ELANE: variants seen among roughly 807,000 people sequenced by gnomAD.
ELANE encodes the protein elastase, neutrophil expressed, also known as neutrophil elastase.
A neutral mutation model predicts 20.6 loss-of-function variants in ELANE; 12 were observed. The observed-to-expected ratio is 0.58, with a 90% CI of 0.37 to 0.94. The LOEUF is 0.94. Ranked by LOEUF, ELANE falls within the 40% of genes least tolerant of loss-of-function variation. The pLI is 0.01. For missense variants in ELANE, 388 were observed against 395.2 expected (o/e 0.98, Z 0.15); for synonymous variants, 203 against 177.4 (o/e 1.14, Z -1.15).
At chr19:854,403 A>T (rs2035642021) in intron 3 of ELANE, among the ~76,000 whole-genome samples, 1 of 151,158 alleles carries the variant, frequency 6.6e-6, no homozygotes, top group African/African-American at 2.4e-5. Context: ...AGCTGAGATC[A>T]CACCACTGCA....
At chr19:852,778 A>G in intron 1 of ELANE, 98 bp from the exon 2 acceptor site, 1 of 1,480,864 alleles carries the variant, frequency 6.8e-7, no homozygotes, top group South Asian at 1.3e-5. Flanking sequence ...CCGGTGGGGG[A>G]TCCCGTGGGT....
rs2035614190 is a variant in ELANE at position 852,786 on chromosome 19, G to A, written c.68-90G>A. The A allele has an allele frequency of 8.6e-6, 13 of 1,503,410 alleles. No homozygotes were observed. In the South Asian group the frequency reaches 1.5e-4, roughly 17 times the overall value. The allele number at this position is 1,503,410 out of a possible 1,614,324, so 93.1% of individuals were successfully genotyped here. On this transcript the variant is annotated intron_variant, in intron 1 of 4. Transcript: ENST00000263621. The stretch of plus-strand genomic sequence containing the variant: ...TGGGTTCCCGGTGGGGGATCCCGTG[G>A]GTTCCTGGTGGGGGATCCAGAGGCC...
chr19:853,188 A>C, intron 2 of ELANE, 74 bp from the exon 3 acceptor site: 1 of 1,508,002 alleles, frequency 6.6e-7, no homozygotes, highest in Non-Finnish European at 8.9e-7. Flanking sequence ...CCGTCGCCGG[A>C]TGGGGACGAC....
Position 855,874 on chromosome 19 carries a change from G to A in ELANE, c.597+80G>A. Reference sequence around the variant, plus strand: ...CAACAGGCACCGTGGCTAGACCCTAGGAGGGACTTCCCAACCCTGACAGGC... The same window carrying A: ...CAACAGGCACCGTGGCTAGACCCTAAGAGGGACTTCCCAACCCTGACAGGC... On this transcript the variant is annotated intron_variant, in intron 4 of 4. Transcript: ENST00000263621. This position sits in a 1 kb window ranked among gnomAD's most constrained non-coding sequence, Gnocchi z 6.2. 6.2e-7 allele frequency: 1 copy of A among 1,604,942 alleles called. No homozygotes were observed. Among genetic ancestry groups the A allele is most frequent in the Non-Finnish European group, 8.5e-7 (1 of 1,177,604 alleles).
chr19:852,315 GC>G lies in ELANE; in HGVS notation c.-10del. ...GGCACGGAGGGGCAGAGACCCCGGA[GC>G]CCCAGCCCCACCATGACCCTCGGCC... is the stretch of plus-strand genomic sequence containing the variant. On this transcript the variant is annotated 5_prime_UTR_variant, in exon 1 of 5. Transcript: ENST00000263621. The G allele has an allele frequency of 1.9e-6, 3 of 1,606,514 alleles. No individual in the cohort carries two copies. The highest frequency in any genetic ancestry group is 8.5e-7 in the Non-Finnish European group (1 of 1,179,554).
intron 3 of ELANE, among the ~76,000 whole-genome samples, chr19:854,605 G>T (rs981915273): frequency 2.0e-5 from 3 of 149,752 alleles, no homozygotes; most frequent in Non-Finnish European, 3.0e-5. Context: ...GGAACCACAG[G>T]TGCCACCACG....
rs201081403 is a variant in ELANE, at chr19:852,871, C to A, written c.68-5C>A. On this transcript the variant is annotated splice_polypyrimidine_tract_variant and splice_region_variant and intron_variant, in intron 1 of 4. Transcript: ENST00000263621. ...ACTCAGCACCCGCACCCGGTGTGTC[C>A]CCAGGCACCGCGCTGGCCTCGGAGA... The A allele has an allele frequency of 2.5e-6, 4 of 1,594,560 alleles. No homozygotes were observed. The highest frequency in any genetic ancestry group is 3.4e-6 in the Non-Finnish European group (4 of 1,176,744).
Position 855,972 on chromosome 19 carries a change from C to A in ELANE, c.612C>A (p.Ser204Arg), listed in dbSNP as rs769821271. ...QAGVCFGDSGSPLVCNGLIHG... is the reference protein window; with the variant it reads ...QAGVCFGDSGRPLVCNGLIHG... ...TGCCTCCACAGGGGGACTCCGGCAGCCCCTTGGTCTGCAACGGGCTAATCC... is the reference window on the plus strand; with the variant it reads ...TGCCTCCACAGGGGGACTCCGGCAGACCCTTGGTCTGCAACGGGCTAATCC... The change falls in exon 5 of 5, where the codon AGC (serine) becomes AGA (arginine). Residue 204 changes from serine (S) to arginine (R), a missense_variant. Around this residue, in one of 3 missense-constraint regions of ELANE, gnomAD observed 321 missense variants for 309.8 expected, o/e 1.04. Coordinates refer to ENST00000263621, the MANE Select transcript of ELANE (RefSeq NM_001972.4). The surrounding 1 kb of genome is among the most constrained non-coding windows in gnomAD (Gnocchi z 6.2). The A allele has an allele frequency of 6.2e-7, 1 of 1,613,266 alleles. No homozygotes were observed. Among genetic ancestry groups the A allele is most frequent in the Non-Finnish European group, 8.5e-7 (1 of 1,180,024 alleles).
In ELANE at chr19:855,465, C is replaced by A. The variant is rs1189481388; in HGVS notation, c.367-99C>A. 1 of 1,341,814 alleles carries A rather than the reference C, an allele frequency of 7.5e-7. No individual in the cohort carries two copies. Among genetic ancestry groups the A allele is most frequent in the Non-Finnish European group, 1.0e-6 (1 of 968,566 alleles). 83.1% of individuals were successfully genotyped at this position (1,341,814 alleles called of 1,614,324 possible). On this transcript the variant is annotated intron_variant, in intron 3 of 4. Transcript: ENST00000263621. The surrounding 1 kb of genome is among the most constrained non-coding windows in gnomAD (Gnocchi z 6.2). The stretch of plus-strand genomic sequence containing the variant: ...ATCCTGCCCTGCAGGATCCCAGAAC[C>A]ACAGTGGAACCTGAGATGGGGAAAC...
rs199571041 is a variant in ELANE at position 855,826 on chromosome 19, C to T, written c.597+32C>T. ...GCCCTGGGTGTCCCTCTGCTCCCCA[C>T]CCGCTCCCAGCCCGGACTGCAGCAA... On this transcript the variant is annotated intron_variant, in intron 4 of 4. Coordinates refer to ENST00000263621, the MANE Select transcript of ELANE (RefSeq NM_001972.4). The surrounding 1 kb of genome is among the most constrained non-coding windows in gnomAD (Gnocchi z 6.2). The T allele has an allele frequency of 1.2e-6, 2 of 1,606,380 alleles. No individual in the cohort carries two copies. The highest frequency in any genetic ancestry group is 1.3e-5 in the African/African-American group (1 of 74,858).
In ELANE at chr19:855,772, G is replaced by A. The variant is rs773852151; in HGVS notation, c.575G>A (p.Gly192Asp). ...RRSNVCTLVR[G>D]RQAGVCFGDS... ...AGCAACGTCTGCACTCTCGTGAGGG[G>A]CCGGCAGGCCGGCGTCTGTTTCGTA... Residue 192 changes from glycine (G) to aspartate (D), a missense_variant, in exon 4 of 5, where the codon GGC becomes GAC. By Grantham distance (94) the Gly-to-Asp change is moderately conservative. Coordinates refer to ENST00000263621, the MANE Select transcript of ELANE (RefSeq NM_001972.4). This position sits in a 1 kb window ranked among gnomAD's most constrained non-coding sequence, Gnocchi z 6.2. 2.5e-6 allele frequency: 4 copies of A among 1,608,652 alleles called. No individual in the cohort carries two copies. Among genetic ancestry groups the A allele is most frequent in the Non-Finnish European group, 3.4e-6 (4 of 1,179,950 alleles).
Position 855,920 on chromosome 19 carries a change from C to T in ELANE, c.598-38C>T. On this transcript the variant is annotated intron_variant, in intron 4 of 4. Transcript: ENST00000263621. This position sits in a 1 kb window ranked among gnomAD's most constrained non-coding sequence, Gnocchi z 6.2. ...CAGGCGGCGGGCAGGTGGGCAGGGCCTCGCAGTCCAGCTTCCCCACCTTGT... is the reference window on the plus strand; with the variant it reads ...CAGGCGGCGGGCAGGTGGGCAGGGCTTCGCAGTCCAGCTTCCCCACCTTGT... 6.2e-7 allele frequency: 1 copy of T among 1,611,442 alleles called. No individual in the cohort carries two copies. The highest frequency in any genetic ancestry group is 8.5e-7 in the Non-Finnish European group (1 of 1,179,562).
chr19:855,483 G>A lies in ELANE; in HGVS notation c.367-81G>A. 8 of 1,452,254 alleles carry A rather than the reference G, an allele frequency of 5.5e-6. No individual in the cohort carries two copies. The highest frequency in any genetic ancestry group is 6.6e-6 in the Non-Finnish European group (7 of 1,065,494). The allele number at this position is 1,452,254 out of a possible 1,614,324, so 90.0% of individuals were successfully genotyped here. A position where few individuals can be genotyped will look rare whatever the true frequency, so the allele number is the denominator to read the frequency against. On this transcript the variant is annotated intron_variant, in intron 3 of 4. Transcript: ENST00000263621. The surrounding 1 kb of genome is among the most constrained non-coding windows in gnomAD (Gnocchi z 6.2). ...CCAGAACCACAGTGGAACCTGAGAT[G>A]GGGAAACTGAGGCCCGGAGAGGGGA...
Position 855,582 on chromosome 19 carries a change from A to T in ELANE, c.385A>T (p.Ile129Phe). The change falls in exon 4 of 5, where the codon ATC becomes TTC. Residue 129 changes from isoleucine to phenylalanine, a missense_variant. Around this residue, in one of 3 missense-constraint regions of ELANE, gnomAD observed 321 missense variants for 309.8 expected, o/e 1.04. Coordinates refer to ENST00000263621, the MANE Select transcript of ELANE (RefSeq NM_001972.4). This position sits in a 1 kb window ranked among gnomAD's most constrained non-coding sequence, Gnocchi z 6.2. ...VILQLNGSAT[I>F]NANVQVAQLP... ...GCCACAGCTCAACGGGTCGGCCACCATCAACGCCAACGTGCAGGTGGCCCA... is the reference window on the plus strand; with the variant it reads ...GCCACAGCTCAACGGGTCGGCCACCTTCAACGCCAACGTGCAGGTGGCCCA... The T allele has an allele frequency of 4.4e-6, 7 of 1,600,004 alleles. No individual in the cohort carries two copies. Among genetic ancestry groups the T allele is most frequent in the Non-Finnish European group, 5.9e-6 (7 of 1,179,774 alleles).
chr19:852,793 G>C lies in ELANE; in HGVS notation c.68-83G>C. ...CCGGTGGGGGATCCCGTGGGTTCCT[G>C]GTGGGGGATCCAGAGGCCCCGTGGC... On this transcript the variant is annotated intron_variant, in intron 1 of 4. Transcript: ENST00000263621. 13 of 1,524,408 alleles carry C rather than the reference G, an allele frequency of 8.5e-6. No homozygotes were observed. In the South Asian group the frequency reaches 1.6e-4, roughly 19 times the overall value. The allele number at this position is 1,524,408 out of a possible 1,614,324, so 94.4% of individuals were successfully genotyped here.
chr19:855,679 G>A lies in ELANE; in HGVS notation c.482G>A (p.Arg161Lys), dbSNP rs2145148729. 2 of 1,609,094 alleles carry A rather than the reference G, an allele frequency of 1.2e-6. No individual in the cohort carries two copies. The highest frequency in any genetic ancestry group is 1.1e-5 in the South Asian group (1 of 91,066). The change falls in exon 4 of 5, where the codon AGG becomes AAG. Residue 161 changes from arginine to lysine, a missense_variant. By Grantham distance (26) the Arg-to-Lys change is conservative. This residue lies in a region of ELANE where 321 missense variants were observed against 309.8 expected (regional missense o/e 1.04). Coordinates refer to ENST00000263621, the MANE Select transcript of ELANE (RefSeq NM_001972.4). This position sits in a 1 kb window ranked among gnomAD's most constrained non-coding sequence, Gnocchi z 6.2. ...CLAMGWGLLGRNRGIASVLQE... is the reference protein window; with the variant it reads ...CLAMGWGLLGKNRGIASVLQE... ...GCCATGGGCTGGGGCCTTCTGGGCAGGAACCGTGGGATCGCCAGCGTCCTG... is the reference window on the plus strand; with the variant it reads ...GCCATGGGCTGGGGCCTTCTGGGCAAGAACCGTGGGATCGCCAGCGTCCTG...
rs1360344559 is a variant in ELANE at position 855,748 on chromosome 19, G to A, written c.551G>A (p.Ser184Asn). 4 of 1,609,326 alleles carry A rather than the reference G, an allele frequency of 2.5e-6. No individual in the cohort carries two copies. The highest frequency in any genetic ancestry group is 3.4e-6 in the Non-Finnish European group (4 of 1,179,952). ...VTVVTSLCRR[S>N]NVCTLVRGRQ... ...GTGGTGACGTCCCTCTGCCGTCGCA[G>A]CAACGTCTGCACTCTCGTGAGGGGC... Residue 184 changes from serine (S) to asparagine (N), a missense_variant, in exon 4 of 5, where the codon AGC becomes AAC. By Grantham distance (46) the Ser-to-Asn change is conservative. Coordinates refer to ENST00000263621, the MANE Select transcript of ELANE (RefSeq NM_001972.4). The surrounding 1 kb of genome is among the most constrained non-coding windows in gnomAD (Gnocchi z 6.2).
intron 3 of ELANE, among the ~76,000 whole-genome samples, chr19:854,999 G>A (rs533448374): frequency 5.3e-5 from 8 of 151,480 alleles, no homozygotes; most frequent in African/African-American, 1.2e-4. Flanking sequence ...GACTACAGGC[G>A]CCCGCCACCA....
intron 3 of ELANE, among the ~76,000 whole-genome samples, chr19:854,702 AAT>A (rs1362311781): frequency 6.8e-6 from 1 of 146,122 alleles, no homozygotes; most frequent in Non-Finnish European, 1.5e-5. Context: ...ATTTAAATAA[AAT>A]ATATAATATT....
Sources: allele counts gnomAD v4.1 joint callset (sites outside exome capture counted in the v4.1 genomes callset), GRCh38; gene constraint gnomAD v4.1.1; regional missense constraint gnomAD v4.1.1; non-coding constraint Gnocchi (gnomAD v3.1); transcripts MANE v1.5; gene names NCBI Gene and HGNC (gene_info 2026-07-23, HGNC 2026-07-21).